KAT6B: variants seen among roughly 807,000 people sequenced by gnomAD.
The protein encoded by KAT6B is lysine acetyltransferase 6B.
In KAT6B, 10 loss-of-function variants were observed where a neutral mutation model predicts 187.5. That is an observed-to-expected ratio of 0.05 (90% CI 0.03 to 0.09). KAT6B has a LOEUF of 0.09. Ranked by LOEUF, KAT6B falls within the 10% of genes least tolerant of loss-of-function variation. KAT6B has a pLI of 1.00. For synonymous variants in KAT6B, 861 were observed against 926.8 expected (o/e 0.93, Z 1.29); for missense variants, 1,952 against 2,558.9 (o/e 0.76, Z 5.12).
At chr10:74,856,013 C>T (rs1054752994) in intron 3 of KAT6B, among the ~76,000 whole-genome samples, 2 of 152,142 alleles carry the variant, frequency 1.3e-5, no homozygotes. Flanking sequence ...TACTATTACG[C>T]AAAAAATTCG....
At chr10:74,964,876 C>G (rs1464960956) in intron 4 of KAT6B, among the ~76,000 whole-genome samples, 1 of 152,206 alleles carries the variant, frequency 6.6e-6, no homozygotes, top group Non-Finnish European at 1.5e-5. Context: ...CACATTGATT[C>G]TAAATCATAA....
intron 13 of KAT6B, among the ~76,000 whole-genome samples, chr10:74,993,379 A>G (rs963719183): frequency 3.9e-5 from 6 of 152,260 alleles, no homozygotes; most frequent in East Asian, 1.9e-4. Context: ...TTTCTGCTCT[A>G]TTATTCTCAA....
intron 3 of KAT6B, among the ~76,000 whole-genome samples, chr10:74,919,091 C>T (rs1386174143): frequency 6.6e-6 from 1 of 151,136 alleles, no homozygotes; most frequent in Non-Finnish European, 1.5e-5. Flanking sequence ...GGCGTGGTGG[C>T]AGGTGCCTGT....
chr10:74,983,156 C>G (rs553056109), intron 11 of KAT6B: 38 of 152,290 alleles, frequency 2.5e-4, no homozygotes, highest in African/African-American at 7.9e-4. Flanking sequence ...TATATTAGTT[C>G]TTACTAAAAG....
intron 1 of KAT6B, 65 bp from the exon 2 acceptor site, chr10:74,838,618 G>A (rs1011733042): frequency 3.3e-5 from 5 of 152,156 alleles, no homozygotes; most frequent in Non-Finnish European, 7.3e-5. Flanking sequence ...GGAGATACAC[G>A]GATGGTTGCT....
chr10:74,862,090 G>A (rs564777722), intron 3 of KAT6B, among the ~76,000 whole-genome samples: 4 of 152,224 alleles, frequency 2.6e-5, no homozygotes, highest in South Asian at 2.1e-4. Flanking sequence ...ACATCCCAAG[G>A]GAAACCATTG....
At chr10:74,927,586 G>T (rs1405095848) in intron 3 of KAT6B, among the ~76,000 whole-genome samples, 2 of 148,920 alleles carry the variant, frequency 1.3e-5, no homozygotes, top group Non-Finnish European at 3.0e-5. Context: ...GTTATTGATT[G>T]TGGGAAATGG....
At chr10:74,853,202 C>T (rs1842595064) in intron 3 of KAT6B, among the ~76,000 whole-genome samples, 1 of 150,814 alleles carries the variant, frequency 6.6e-6, no homozygotes, top group Non-Finnish European at 1.5e-5. Context: ...GCAGCCTCGA[C>T]CTCCCGGGCT....
intron 3 of KAT6B, among the ~76,000 whole-genome samples, chr10:74,866,764 C>G (rs1332235137): frequency 1.3e-5 from 2 of 152,052 alleles, no homozygotes; most frequent in South Asian, 4.2e-4. Flanking sequence ...GCATTAGAGG[C>G]GTTAAACACA....
chr10:74,853,620 C>CT (rs542210569), intron 3 of KAT6B, among the ~76,000 whole-genome samples: 13,142 of 122,552 alleles, frequency 0.11, 1,005 homozygotes, highest in South Asian at 0.33. Context: ...TAAGAAATGC[C>CT]TTTTTTTTTT....
upstream of KAT6B, among the ~76,000 whole-genome samples, chr10:74,826,194 A>G (rs1365699187): frequency 6.6e-6 from 1 of 151,532 alleles, no homozygotes; most frequent in Non-Finnish European, 1.5e-5. Context: ...GTCTGCAGCC[A>G]ATAAGGCTAC....
chr10:74,904,015 G>A (rs1846582784), intron 3 of KAT6B, among the ~76,000 whole-genome samples: 1 of 152,148 alleles, frequency 6.6e-6, no homozygotes, highest in South Asian at 2.1e-4. Flanking sequence ...GACCTGTGTA[G>A]GAGGCCAGGT....
intron 4 of KAT6B, among the ~76,000 whole-genome samples, chr10:74,961,309 C>T (rs1265860025): frequency 6.6e-6 from 1 of 152,156 alleles, no homozygotes; most frequent in Admixed American, 6.5e-5. Context: ...TGGGTTTTCT[C>T]ACGAGGCTCA....
intron 4 of KAT6B, among the ~76,000 whole-genome samples, chr10:74,961,864 T>C (rs1159554310): frequency 6.6e-6 from 1 of 152,232 alleles, no homozygotes; most frequent in Non-Finnish European, 1.5e-5. Context: ...TTTTAACAAA[T>C]GGAGAATAAT....
At position 74,960,323 on chromosome 10, in the gene KAT6B, C is replaced by T. The variant is rs1868627; in HGVS notation, c.730+245C>T. On this transcript the variant is annotated intron_variant, in intron 4 of 17. Transcript: ENST00000287239. ...TTTATGATTAAGCTTTTATTTTATA[C>T]CAGCATTGGTAATTCAGTGTGGAGA... Among the ~76,000 whole-genome samples, 18,833 of 151,890 alleles carry T rather than the reference C, an allele frequency of 0.12. 1,835 individuals carry two copies. The highest frequency in any genetic ancestry group is 0.27 in the South Asian group (1,300 of 4,818).
At chr10:74,999,380 G>A (rs929470912) in intron 13 of KAT6B, among the ~76,000 whole-genome samples, 9 of 152,192 alleles carry the variant, frequency 5.9e-5, no homozygotes, top group East Asian at 1.9e-4. Flanking sequence ...GCTGGGAGTC[G>A]TGGACATGCG....
At chr10:74,954,855 C>T (rs1840565043) in intron 3 of KAT6B, among the ~76,000 whole-genome samples, 1 of 152,152 alleles carries the variant, frequency 6.6e-6, no homozygotes, top group African/African-American at 2.4e-5. Context: ...CCATTTTTTC[C>T]GTAGTGTTTT....
At chr10:74,919,840 C>T (rs1847983248) in intron 3 of KAT6B, among the ~76,000 whole-genome samples, 1 of 152,190 alleles carries the variant, frequency 6.6e-6, no homozygotes, top group South Asian at 2.1e-4. Context: ...CTGATTCTCT[C>T]TTCAACTATA....
intron 3 of KAT6B, among the ~76,000 whole-genome samples, chr10:74,878,278 T>C (rs1844569670): frequency 6.6e-6 from 1 of 152,166 alleles, no homozygotes; most frequent in Admixed American, 6.5e-5. Flanking sequence ...ATTTACAGAG[T>C]ACTTTTTGTA....
Sources: allele counts gnomAD v4.1 joint callset (sites outside exome capture counted in the v4.1 genomes callset), GRCh38; gene constraint gnomAD v4.1.1; transcripts MANE v1.5; gene names NCBI Gene and HGNC (gene_info 2026-07-23, HGNC 2026-07-21).